The following ABCC1 variants were observed in gnomAD, a reference collection of about 807,000 sequenced individuals.
ABCC1 encodes ATP binding cassette subfamily C member 1 (ABCC1 blood group), also known as multidrug resistance-associated protein 1.
A neutral mutation model predicts 172.9 loss-of-function variants in ABCC1; 83 were observed. The observed-to-expected ratio is 0.48, with a 90% confidence interval of 0.40 to 0.58. The LOEUF is 0.58. ABCC1 is among the 20% of genes least tolerant of loss of function. The pLI is 0.00. For missense variants in ABCC1, 1,817 were observed against 2,002.7 expected (o/e 0.91, Z 1.77); for synonymous variants, 937 against 825.2 (o/e 1.14, Z -2.32).
chr16:15,965,285 CTT>C (rs1337477385), intron 1 of ABCC1, among the ~76,000 whole-genome samples: 5 of 145,136 alleles, frequency 3.4e-5, no homozygotes, highest in Admixed American at 6.9e-5. Flanking sequence ...TTTCTTTCTC[CTT>C]TTTTTTTTTT....
intron 14 of ABCC1, 181 bp from the exon 15 acceptor site, chr16:16,076,145 C>A (rs895361350): frequency 3.4e-5 from 21 of 611,308 alleles, no homozygotes; most frequent in Non-Finnish European, 5.4e-5. Context: ...GGGGCTGCCT[C>A]CAGAACTGCA....
rs747335425 is a variant in ABCC1, at chr16:16,134,353, G to A, written c.3970G>A (p.Gly1324Ser). The A allele has an allele frequency of 3.0e-5, 48 of 1,613,972 alleles. No individual in the cohort carries two copies. The highest frequency in any genetic ancestry group is 5.3e-5 in the African/African-American group (4 of 74,922). The change falls in exon 28 of 31, where the codon GGC (glycine) becomes AGC (serine). Residue 1324 changes from glycine (G) to serine (S), a missense_variant. By Grantham distance (56) the Gly-to-Ser change is moderately conservative. Transcript: ENST00000399410. ...CCTGGGCCCTTCTGTCCTGCAGGTC[G>A]GCATCGTGGGGCGGACGGGAGCTGG... Reference protein sequence around the residue: ...NVTINGGEKVGIVGRTGAGKS... With the variant: ...NVTINGGEKVSIVGRTGAGKS...
intron 18 of ABCC1, among the ~76,000 whole-genome samples, chr16:16,088,236 G>C (rs1295707173): frequency 1.3e-5 from 2 of 152,126 alleles, no homozygotes; most frequent in East Asian, 3.9e-4. Context: ...CCTGAGGTCA[G>C]GAGTTCGAGA....
chr16:15,963,022 G>T (rs2046169703), intron 1 of ABCC1, among the ~76,000 whole-genome samples: 2 of 152,212 alleles, frequency 1.3e-5, no homozygotes, highest in Non-Finnish European at 2.9e-5. Context: ...AAAATCAAAA[G>T]AAGTTAGTTA....
rs1299520569 is a variant in ABCC1, at chr16:15,975,612, A to G, written c.48+25813A>G. Among the ~76,000 whole-genome samples the G allele has an allele frequency of 2.0e-5, 3 of 150,754 alleles. No homozygotes were observed. The South Asian group carries it at 6.3e-4, about 32-fold the overall frequency. Reference sequence around the variant, plus strand: ...GGTCTTGTTGCGCAGGCTGGAGTGCAATGGTGGGGTCTCGGCTCACAGCAA... The same window carrying G: ...GGTCTTGTTGCGCAGGCTGGAGTGCGATGGTGGGGTCTCGGCTCACAGCAA... On this transcript the variant is annotated intron_variant, in intron 1 of 30. Transcript: ENST00000399410.
intron 16 of ABCC1, among the ~76,000 whole-genome samples, chr16:16,079,712 AG>A (rs1301845558): frequency 3.9e-5 from 6 of 152,140 alleles, no homozygotes; most frequent in African/African-American, 1.4e-4. Flanking sequence ...TCTGTCTCCC[AG>A]CACTTAAAAT....
At chr16:16,053,110 G>T (rs902752874) in intron 11 of ABCC1, among the ~76,000 whole-genome samples, 1 of 152,158 alleles carries the variant, frequency 6.6e-6, no homozygotes, top group Non-Finnish European at 1.5e-5. Context: ...GTAGGCCGGT[G>T]ACTGGAATCA....
intron 24 of ABCC1, among the ~76,000 whole-genome samples, chr16:16,124,123 A>G (rs143992336): frequency 1.3e-5 from 2 of 152,220 alleles, no homozygotes; most frequent in African/African-American, 2.4e-5. Flanking sequence ...GAACGTTACA[A>G]TGATGTTTAC....
intron 5 of ABCC1, among the ~76,000 whole-genome samples, chr16:16,031,156 A>G (rs777225219): frequency 2.0e-5 from 3 of 152,190 alleles, no homozygotes; most frequent in Non-Finnish European, 4.4e-5. Flanking sequence ...GCCAGGATAC[A>G]GTATTTTTTA....
chr16:16,046,038 T>C (rs1182589929), intron 9 of ABCC1, 25 bp downstream of exon 9: 5 of 1,611,346 alleles, frequency 3.1e-6, no homozygotes, highest in Non-Finnish European at 4.2e-6. Context: ...GCCATTGGCA[T>C]GTGGCCCGAC....
chr16:16,126,845 C>T (rs753596610), intron 26 of ABCC1, among the ~76,000 whole-genome samples: 35 of 152,114 alleles, frequency 2.3e-4, no homozygotes, highest in Admixed American at 4.6e-4. Context: ...GCATACTACA[C>T]GAATGATGTA....
Position 16,141,292 on chromosome 16 carries a change from T to C in ABCC1, c.*11T>C, listed in dbSNP as rs2152190933. 6.2e-7 allele frequency: 1 copy of C among 1,613,222 alleles called. No individual in the cohort carries two copies. The highest frequency in any genetic ancestry group is 8.5e-7 in the Non-Finnish European group (1 of 1,179,488). ...GCCGGCTTGGTGTGAGCCCCAGAGC[T>C]GGCATATCTGGTCAGAACTGCAGGG... is the stretch of plus-strand genomic sequence containing the variant. On this transcript the variant is annotated 3_prime_UTR_variant, in exon 31 of 31. Transcript: ENST00000399410.
intron 8 of ABCC1, among the ~76,000 whole-genome samples, chr16:16,045,429 A>G (rs1939224220): frequency 6.6e-6 from 1 of 151,042 alleles, no homozygotes; most frequent in South Asian, 2.1e-4. Context: ...GAATAAAAAC[A>G]ACAACAAAAA....
At chr16:16,011,921 G>A (rs1269702350) in intron 3 of ABCC1, among the ~76,000 whole-genome samples, 1 of 151,776 alleles carries the variant, frequency 6.6e-6, no homozygotes, top group Non-Finnish European at 1.5e-5. Context: ...CACCCACCTA[G>A]GCCCCCCAAA....
At position 15,990,413 on chromosome 16, in the gene ABCC1, G is replaced by A. The variant is rs867817896; in HGVS notation, c.49-17403G>A. 2.6e-5 allele frequency among the ~76,000 whole-genome samples: 4 copies of A among 152,250 alleles called. 1 individual carries two copies. Among genetic ancestry groups the A allele is most frequent in the Middle Eastern group, 6.8e-3 (2 of 294 alleles). On this transcript the variant is annotated intron_variant, in intron 1 of 30. Transcript: ENST00000399410. ...TAGACACTATTCTGTACAGTAGACC[G>A]TAGGACTGACTGACTCATCTTGTAT... is the stretch of plus-strand genomic sequence containing the variant.
chr16:16,012,490 T>G (rs2047825335), intron 3 of ABCC1, among the ~76,000 whole-genome samples: 1 of 91,360 alleles, frequency 1.1e-5, no homozygotes, highest in Non-Finnish European at 2.2e-5. Flanking sequence ...AGTGGATTTT[T>G]TTTTTTTTTT....
chr16:16,033,378 G>A (rs2062541), intron 6 of ABCC1, among the ~76,000 whole-genome samples: 82,410 of 152,028 alleles, frequency 0.54, 22,715 homozygotes, highest in Non-Finnish European at 0.61. Context: ...TGATAAACAC[G>A]TGAGCCGTGA....
chr16:16,052,976 T>C (rs1487965644), intron 11 of ABCC1, among the ~76,000 whole-genome samples, 160 bp downstream of exon 11: 1 of 152,168 alleles, frequency 6.6e-6, no homozygotes, highest in African/African-American at 2.4e-5. Context: ...ATGCCCCGGC[T>C]GCATATCTGG....
chr16:16,031,437 C>T (rs1390864952), intron 5 of ABCC1, among the ~76,000 whole-genome samples: 1 of 152,166 alleles, frequency 6.6e-6, no homozygotes, highest in Non-Finnish European at 1.5e-5. Flanking sequence ...ATGTTGTTGA[C>T]TTGGGGCTCA....
Sources: gnomAD v4.1 joint callset for allele counts (sites outside exome capture counted in the v4.1 genomes callset) on GRCh38, gnomAD v4.1.1 for gene constraint, MANE v1.5 for transcripts, NCBI Gene and HGNC (gene_info 2026-07-23, HGNC 2026-07-21) for gene names.